TOX: variants seen among roughly 807,000 people sequenced by gnomAD.
TOX encodes thymocyte selection-associated high mobility group box protein TOX.
Under a neutral mutation model 53.7 loss-of-function variants are expected in TOX, and 11 were observed. The observed-to-expected ratio is 0.20, with a 90% CI of 0.13 to 0.34. The LOEUF (loss-of-function observed/expected upper bound fraction) is 0.34, where lower values mean the gene tolerates loss of function less well. Among genes scored for constraint, TOX ranks in the 10% least tolerant of loss-of-function variants. The pLI is 1.00. For missense variants in TOX, 570 were observed against 664.6 expected, an observed-to-expected ratio of 0.86 and a Z score of 1.56; for synonymous variants, 225 against 245.3, an observed-to-expected ratio of 0.92 and a Z score of 0.77.
intron 5 of TOX, among the ~76,000 whole-genome samples, chr8:58,837,433 T>G (rs192210090): frequency 6.6e-6 from 1 of 152,264 alleles, no homozygotes; most frequent in Non-Finnish European, 1.5e-5. Context: ...ACTCTGTGAC[T>G]CCAATCCTCT....
chr8:59,001,529 G>A (rs1329513370), intron 1 of TOX, among the ~76,000 whole-genome samples: 2 of 152,102 alleles, frequency 1.3e-5, no homozygotes, highest in Non-Finnish European at 2.9e-5. Context: ...TGAGTACATG[G>A]TATTTTGTGT....
intron 1 of TOX, among the ~76,000 whole-genome samples, chr8:59,007,119 T>C (rs1329898135): frequency 6.6e-6 from 1 of 152,190 alleles, no homozygotes; most frequent in African/African-American, 2.4e-5. Context: ...TTTCCAGGAC[T>C]TTTTCCTTTT....
At chr8:58,997,299 T>A (rs1191190884) in intron 1 of TOX, among the ~76,000 whole-genome samples, 1 of 145,292 alleles carries the variant, frequency 6.9e-6, no homozygotes, top group Non-Finnish European at 1.5e-5. Flanking sequence ...AATTTAGAAA[T>A]AAGCAAGAGG....
At chr8:58,953,586 G>A (rs1295953541) in intron 2 of TOX, among the ~76,000 whole-genome samples, 1 of 152,082 alleles carries the variant, frequency 6.6e-6, no homozygotes, top group Non-Finnish European at 1.5e-5. Context: ...GAATACCTCC[G>A]GGACTGCACA....
At chr8:59,108,890 T>C (rs763642394) in intron 1 of TOX, among the ~76,000 whole-genome samples, 1 of 152,178 alleles carries the variant, frequency 6.6e-6, no homozygotes, top group Non-Finnish European at 1.5e-5. Flanking sequence ...TTAATGCAGA[T>C]AAGTGCTGGC....
Position 58,826,832 on chromosome 8 carries a change from A to T in TOX, c.995T>A (p.Leu332His). 3.1e-6 allele frequency: 5 copies of T among 1,608,738 alleles called. No individual in the cohort carries two copies. Among genetic ancestry groups the T allele is most frequent in the Non-Finnish European group, 3.4e-6 (4 of 1,178,094 alleles). ...ACAACTGCACGTTACCTTGGATACA[A>T]GGCTGGCTCTGTATGCTGCGAGTTG... The part of the protein sequence containing the change: ...LKQLAAYRAS[L>H]VSKSYSEPVD... The change falls in exon 6 of 9, where the codon CTT becomes CAT. Residue 332 changes from leucine (L) to histidine (H), a missense_variant. Leu to His is a moderately conservative substitution (Grantham distance 99). This residue lies in a region of TOX where 239 missense variants were observed against 250.7 expected (regional missense o/e 0.95). Transcript: ENST00000361421.
intron 6 of TOX, among the ~76,000 whole-genome samples, chr8:58,816,357 G>C (rs1356228964): frequency 6.6e-6 from 1 of 152,128 alleles, no homozygotes; most frequent in African/African-American, 2.4e-5. Context: ...TAATGAAGTA[G>C]ATAAAAATAA....
chr8:58,871,131 T>C (rs554749397), intron 3 of TOX, among the ~76,000 whole-genome samples: 244 of 147,998 alleles, frequency 1.6e-3, no homozygotes, highest in Middle Eastern at 7.8e-3. Context: ...AAAGACATGG[T>C]TGAACTTTAA....
chr8:58,925,736 T>C (rs1812147682), intron 3 of TOX, among the ~76,000 whole-genome samples: 1 of 152,198 alleles, frequency 6.6e-6, no homozygotes, highest in Admixed American at 6.5e-5. Flanking sequence ...ATTCTTTCCA[T>C]TATACCAATA....
At chr8:58,893,862 C>T (rs1020845540) in intron 3 of TOX, among the ~76,000 whole-genome samples, 3 of 152,154 alleles carry the variant, frequency 2.0e-5, no homozygotes, top group Non-Finnish European at 4.4e-5. Context: ...CATGAAGAGG[C>T]GAATTCAAAG....
chr8:58,864,760 G>A (rs571303425), intron 3 of TOX, among the ~76,000 whole-genome samples: 1 of 152,190 alleles, frequency 6.6e-6, no homozygotes, highest in African/African-American at 2.4e-5. Context: ...AGAAGGTGGA[G>A]AGTGCACAAG....
chr8:58,913,389 C>T (rs546358708), intron 3 of TOX, among the ~76,000 whole-genome samples: 3 of 152,182 alleles, frequency 2.0e-5, no homozygotes, highest in Non-Finnish European at 4.4e-5. Flanking sequence ...CATGCCTTCA[C>T]TTCCACTGTT....
At chr8:58,971,223 C>T (rs1177557466) in intron 1 of TOX, among the ~76,000 whole-genome samples, 1 of 152,194 alleles carries the variant, frequency 6.6e-6, no homozygotes, top group African/African-American at 2.4e-5. Context: ...TGTAGCAGCA[C>T]GATGAGGAAA....
At chr8:58,904,007 A>G (rs974673690) in intron 3 of TOX, among the ~76,000 whole-genome samples, 9 of 152,224 alleles carry the variant, frequency 5.9e-5, no homozygotes, top group African/African-American at 2.2e-4. Flanking sequence ...GAACCACACA[A>G]GTACTACCAA....
intron 1 of TOX, among the ~76,000 whole-genome samples, chr8:59,003,004 T>C (rs1485930248): frequency 6.6e-6 from 1 of 152,214 alleles, no homozygotes; most frequent in Non-Finnish European, 1.5e-5. Flanking sequence ...TGTGTTTCAA[T>C]ATGTTTTTAT....
chr8:58,913,811 A>G (rs1811951704), intron 3 of TOX, among the ~76,000 whole-genome samples: 1 of 151,954 alleles, frequency 6.6e-6, no homozygotes, highest in Non-Finnish European at 1.5e-5. Context: ...GGATTTTTAG[A>G]TGCTTGAAAA....
intron 1 of TOX, among the ~76,000 whole-genome samples, chr8:59,029,182 T>G (rs1467772472): frequency 6.6e-6 from 1 of 152,084 alleles, no homozygotes; most frequent in East Asian, 1.9e-4. Flanking sequence ...TACACTCTCA[T>G]TTATTCATTT....
At chr8:58,863,434 C>T (rs890810543) in intron 3 of TOX, among the ~76,000 whole-genome samples, 17 of 152,124 alleles carry the variant, frequency 1.1e-4, no homozygotes, top group African/African-American at 3.6e-4. Context: ...TCACAGCAAC[C>T]AGGTGAAACT....
At chr8:59,019,527 C>T (rs1480722810) in intron 1 of TOX, among the ~76,000 whole-genome samples, 2 of 151,994 alleles carry the variant, frequency 1.3e-5, no homozygotes, top group Non-Finnish European at 2.9e-5. Flanking sequence ...AAACTAGTGT[C>T]GAAAGTTGAA....
Sources: gnomAD v4.1 joint callset for allele counts (sites outside exome capture counted in the v4.1 genomes callset) on GRCh38, gnomAD v4.1.1 for gene constraint, gnomAD v4.1.1 regional missense constraint, MANE v1.5 for transcripts, NCBI Gene and HGNC (gene_info 2026-07-23, HGNC 2026-07-21) for gene names.